DISC1: variants seen among roughly 807,000 people sequenced by gnomAD.
The protein encoded by DISC1 is disrupted in schizophrenia 1 protein.
In DISC1, 57 loss-of-function variants were observed where a neutral mutation model predicts 84.5. The ratio of observed to expected loss-of-function variants is 0.67; its 90% CI spans 0.55 to 0.84. The LOEUF (loss-of-function observed/expected upper bound fraction) is 0.84, where lower values mean the gene tolerates loss of function less well. Ranked by LOEUF, DISC1 falls within the 40% of genes least tolerant of loss-of-function variation. The pLI is 0.00. For synonymous variants in DISC1, 411 were observed against 415.2 expected (o/e 0.99, Z 0.12); for missense variants, 1,000 against 1,057.8 (o/e 0.95, Z 0.76).
chr1:231,858,640 C>G (rs551217670), intron 9 of DISC1, among the ~76,000 whole-genome samples: 3 of 152,332 alleles, frequency 2.0e-5, no homozygotes, highest in African/African-American at 7.2e-5. Context: ...CTGAAGGTTA[C>G]AATTTGGAGT....
At chr1:231,722,861 C>G (rs2070024456) in intron 3 of DISC1, 2 of 1,400,778 alleles carry the variant, frequency 1.4e-6, no homozygotes, top group Admixed American at 5.9e-5. Flanking sequence ...TTCCCAGTCC[C>G]CTGTCATGGC....
chr1:231,779,662 C>G (rs1402502686), intron 6 of DISC1, among the ~76,000 whole-genome samples: 5 of 150,946 alleles, frequency 3.3e-5, no homozygotes, highest in South Asian at 4.2e-4. Context: ...CGGGTTCACG[C>G]CATTCTCCTG....
Position 231,824,268 on chromosome 1 carries a change from A to G in DISC1, c.1981+5751A>G, listed in dbSNP as rs76426143. Among the ~76,000 whole-genome samples the G allele has an allele frequency of 7.2e-3, 1,093 of 152,288 alleles. 13 individuals carry two copies. Among genetic ancestry groups the G allele is most frequent in the African/African-American group, 0.025 (1,030 of 41,554 alleles). On this transcript the variant is annotated intron_variant, in intron 9 of 12. Coordinates refer to ENST00000439617, the MANE Select transcript of DISC1 (RefSeq NM_018662.3). ...TGTGGCAAGAAATGTAGATGTTTAT[A>G]TGGGAAATAGATATGTGTCTGCCTT...
chr1:231,687,129 A>T (rs932977719), intron 1 of DISC1, among the ~76,000 whole-genome samples: 2 of 152,154 alleles, frequency 1.3e-5, no homozygotes, highest in Admixed American at 6.5e-5. Flanking sequence ...TCTTCTTCTG[A>T]GCCCTCCAGA....
At chr1:231,628,581 G>A (rs1479719263) in intron 1 of DISC1, among the ~76,000 whole-genome samples, 1 of 152,114 alleles carries the variant, frequency 6.6e-6, no homozygotes, top group Non-Finnish European at 1.5e-5. Context: ...TGAGGTTCAG[G>A]GTCACCCTGC....
intron 6 of DISC1, 38 bp downstream of exon 6, chr1:231,771,108 C>G: frequency 1.3e-6 from 2 of 1,527,526 alleles, no homozygotes; most frequent in Non-Finnish European, 1.8e-6. Context: ...GGTCGCTCGC[C>G]TCTTTGACCT....
intron 6 of DISC1, among the ~76,000 whole-genome samples, chr1:231,780,133 T>C (rs2077293760): frequency 6.6e-6 from 1 of 151,140 alleles, no homozygotes; most frequent in African/African-American, 2.4e-5. Context: ...ATATACCTAA[T>C]GCTAGATGAC....
At chr1:232,025,670 C>T (rs1558847992) in intron 11 of DISC1, among the ~76,000 whole-genome samples, 3 of 150,010 alleles carry the variant, frequency 2.0e-5, no homozygotes, top group Non-Finnish European at 4.4e-5. Context: ...AATCTCGGCT[C>T]ACTGCAAGCT....
At chr1:231,782,482 T>C (rs967616032) in intron 6 of DISC1, among the ~76,000 whole-genome samples, 26 of 152,206 alleles carry the variant, frequency 1.7e-4, no homozygotes, top group Non-Finnish European at 3.7e-4. Flanking sequence ...GTGCATATGC[T>C]TATTCTTAGC....
chr1:231,734,892 C>G (rs896323200), intron 3 of DISC1, among the ~76,000 whole-genome samples: 2 of 152,192 alleles, frequency 1.3e-5, no homozygotes, highest in African/African-American at 4.8e-5. Context: ...TTCTAAAAAT[C>G]CTCTTTGGTG....
intron 9 of DISC1, among the ~76,000 whole-genome samples, chr1:231,890,215 A>G (rs200893810): frequency 6.6e-6 from 1 of 152,178 alleles, no homozygotes; most frequent in Non-Finnish European, 1.5e-5. Context: ...TTCACTCTGT[A>G]TGTGTGAGTA....
intron 9 of DISC1, among the ~76,000 whole-genome samples, chr1:231,850,774 G>A (rs981108755): frequency 6.6e-6 from 1 of 152,156 alleles, no homozygotes; most frequent in Non-Finnish European, 1.5e-5. Context: ...CTATTTAAAG[G>A]GTACGTCTTT....
At chr1:231,935,894 G>A (rs959751076) in intron 9 of DISC1, among the ~76,000 whole-genome samples, 1 of 152,180 alleles carries the variant, frequency 6.6e-6, no homozygotes, top group African/African-American at 2.4e-5. Context: ...GAAGTTACAT[G>A]CGCATGTGGT....
chr1:231,705,511 C>A (rs556800131), intron 3 of DISC1, among the ~76,000 whole-genome samples: 3 of 151,710 alleles, frequency 2.0e-5, no homozygotes, highest in Non-Finnish European at 4.4e-5. Flanking sequence ...GGCACTGTTA[C>A]CATGAGCCAC....
At position 231,630,099 on chromosome 1, in the gene DISC1, T is replaced by C. The variant is rs2058589223; in HGVS notation, c.67+3165T>C. Among the ~76,000 whole-genome samples the C allele has an allele frequency of 1.3e-5, 2 of 152,020 alleles. No homozygotes were observed. Among genetic ancestry groups the C allele is most frequent in the Non-Finnish European group, 2.9e-5 (2 of 68,008 alleles). On this transcript the variant is annotated intron_variant, in intron 1 of 12. Transcript: ENST00000439617. The surrounding 1 kb of genome is among the most constrained non-coding windows in gnomAD (Gnocchi z 4.4). ...GCGCCCACCACCACATCCAGCTAAT[T>C]TTTGTATTTTTAATACAGACAGGGT... is the stretch of plus-strand genomic sequence containing the variant.
At chr1:231,895,141 G>A (rs1260401261) in intron 9 of DISC1, among the ~76,000 whole-genome samples, 1 of 148,166 alleles carries the variant, frequency 6.7e-6, no homozygotes, top group Non-Finnish European at 1.5e-5. Context: ...GTATTTTTTA[G>A]TATTCTATTT....
chr1:231,927,737 G>A (rs1036037221), intron 9 of DISC1, among the ~76,000 whole-genome samples: 116 of 152,288 alleles, frequency 7.6e-4, no homozygotes, highest in African/African-American at 2.5e-3. Context: ...AGCTAGGCAC[G>A]TGGATTTTTA....
chr1:231,843,401 T>C (rs1157683045), intron 9 of DISC1, among the ~76,000 whole-genome samples: 1 of 151,796 alleles, frequency 6.6e-6, no homozygotes, highest in African/African-American at 2.4e-5. Context: ...CTAAGAGCAA[T>C]AGGAGGCACT....
chr1:232,011,253 GAA>G (rs1248115704), intron 11 of DISC1, among the ~76,000 whole-genome samples: 1 of 152,164 alleles, frequency 6.6e-6, no homozygotes, highest in Non-Finnish European at 1.5e-5. Context: ...GGTCAAGGAT[GAA>G]AAAAGAGTGG....
Sources: gnomAD v4.1 joint callset for allele counts (sites outside exome capture counted in the v4.1 genomes callset) on GRCh38, gnomAD v4.1.1 for gene constraint, Gnocchi (gnomAD v3.1) non-coding constraint, MANE v1.5 for transcripts, NCBI Gene and HGNC (gene_info 2026-07-23, HGNC 2026-07-21) for gene names.